CNTNAP2: variants seen among roughly 807,000 people sequenced by gnomAD.
The protein encoded by CNTNAP2 is contactin associated protein 2, also known as contactin-associated protein-like 2.
Under a neutral mutation model 155.2 loss-of-function variants are expected in CNTNAP2, and 98 were observed. That is an observed-to-expected ratio of 0.63 (90% CI 0.54 to 0.75). The LOEUF is 0.75. Ranked by LOEUF, CNTNAP2 falls within the 30% of genes least tolerant of loss-of-function variation. CNTNAP2 has a pLI of 0.00. For synonymous variants in CNTNAP2, 651 were observed against 631.2 expected, an observed-to-expected ratio of 1.03 and a Z score of -0.47; for missense variants, 1,727 against 1,688.1, an observed-to-expected ratio of 1.02 and a Z score of -0.40.
chr7:146,250,343 C>G (rs949615184), intron 1 of CNTNAP2, among the ~76,000 whole-genome samples: 1 of 152,138 alleles, frequency 6.6e-6, no homozygotes, highest in South Asian at 2.1e-4. Flanking sequence ...GTGGTTCAAC[C>G]GAAGTGTTGC....
At chr7:147,856,890 T>C (rs150406516) in intron 13 of CNTNAP2, among the ~76,000 whole-genome samples, 41 of 152,268 alleles carry the variant, frequency 2.7e-4, no homozygotes, top group Middle Eastern at 3.4e-3. Flanking sequence ...GATTTGAGTG[T>C]ACCCCTCACC....
intron 1 of CNTNAP2, among the ~76,000 whole-genome samples, chr7:146,672,320 A>C (rs1439234915): frequency 2.6e-5 from 4 of 152,160 alleles, no homozygotes; most frequent in Non-Finnish European, 5.9e-5. Flanking sequence ...TATTAGTTCC[A>C]GGAGTTGTTT....
rs544271183 is a variant in CNTNAP2 at position 147,600,136 on chromosome 7, C to T, written c.1897+37879C>T. ...AATTGGAACAGACCCTGGTCATGGG[C>T]GTGTTAAATCCTCCTCTTTCATCCA... On this transcript the variant is annotated intron_variant, in intron 12 of 23. Coordinates refer to ENST00000361727, the MANE Select transcript of CNTNAP2 (RefSeq NM_014141.6). 7.2e-5 allele frequency among the ~76,000 whole-genome samples: 11 copies of T among 152,290 alleles called. No homozygotes were observed. The East Asian group carries it at 9.7e-4, about 13-fold the overall frequency.
At chr7:147,033,147 C>CATAT (rs140439948) in intron 3 of CNTNAP2, among the ~76,000 whole-genome samples, 3 of 86,978 alleles carry the variant, frequency 3.4e-5, no homozygotes, top group Admixed American at 1.6e-4. Context: ...GATATTGCTG[C>CATAT]ATATATATAT....
intron 13 of CNTNAP2, among the ~76,000 whole-genome samples, chr7:147,811,413 A>G (rs897537482): frequency 1.3e-5 from 2 of 152,060 alleles, no homozygotes; most frequent in South Asian, 2.1e-4. Flanking sequence ...CAGTATTTTT[A>G]AAGAAGAGCA....
At chr7:148,136,907 C>T (rs1585145801) in intron 16 of CNTNAP2, among the ~76,000 whole-genome samples, 1 of 152,236 alleles carries the variant, frequency 6.6e-6, no homozygotes, top group East Asian at 1.9e-4. Context: ...GCAATCTATA[C>T]AAGAAAGTTA....
At chr7:147,143,780 T>C (rs185456015) in intron 8 of CNTNAP2, among the ~76,000 whole-genome samples, 1 of 152,280 alleles carries the variant, frequency 6.6e-6, no homozygotes, top group East Asian at 1.9e-4. Flanking sequence ...AGATTTTTTT[T>C]AAAGATATTA....
intron 1 of CNTNAP2, among the ~76,000 whole-genome samples, chr7:146,512,126 A>AG (rs570002914): frequency 1.4e-3 from 212 of 152,052 alleles, no homozygotes; most frequent in African/African-American, 4.8e-3. Context: ...TTAAATACAA[A>AG]GCTGTAATGT....
chr7:147,844,976 G>A (rs1169573848), intron 13 of CNTNAP2, among the ~76,000 whole-genome samples: 6 of 144,172 alleles, frequency 4.2e-5, no homozygotes, highest in African/African-American at 1.3e-4. Flanking sequence ...GCTTTTTGAT[G>A]TGCTGCTGGA....
At chr7:147,877,040 G>A (rs117470160) in intron 13 of CNTNAP2, among the ~76,000 whole-genome samples, 1 of 152,222 alleles carries the variant, frequency 6.6e-6, no homozygotes, top group Non-Finnish European at 1.5e-5. Flanking sequence ...GTTTGTCATT[G>A]GGAAAAAAGT....
At chr7:147,802,360 C>T (rs369585669) in intron 13 of CNTNAP2, among the ~76,000 whole-genome samples, 4 of 151,588 alleles carry the variant, frequency 2.6e-5, no homozygotes, top group Non-Finnish European at 4.4e-5. Context: ...CACTCCTCAC[C>T]TCCCAGACGG....
chr7:147,342,517 A>C (rs1296008885), intron 9 of CNTNAP2, among the ~76,000 whole-genome samples: 2 of 152,186 alleles, frequency 1.3e-5, no homozygotes, highest in East Asian at 3.8e-4. Context: ...AAATGTTTCC[A>C]AGCTTCTATT....
At position 147,825,322 on chromosome 7, in the gene CNTNAP2, T is replaced by C. The variant is rs911564777; in HGVS notation, c.2099-78243T>C. On this transcript the variant is annotated intron_variant, in intron 13 of 23. Transcript: ENST00000361727. ...ACCAGGTTGGTTGTTAATGGAGTAT[T>C]GACCCAGCAATTTACTGGGGCAAGC... Among the ~76,000 whole-genome samples the C allele has an allele frequency of 3.9e-5, 6 of 152,218 alleles. No individual in the cohort carries two copies. In the East Asian group the frequency reaches 1.2e-3, roughly 29 times the overall value.
intron 13 of CNTNAP2, among the ~76,000 whole-genome samples, chr7:147,708,493 C>T (rs2117012756): frequency 6.6e-6 from 1 of 152,254 alleles, no homozygotes; most frequent in Middle Eastern, 3.4e-3. Context: ...GCTGTAGCTG[C>T]CTAGGGCTTG....
intron 8 of CNTNAP2, among the ~76,000 whole-genome samples, chr7:147,277,024 T>G (rs1369311715): frequency 3.3e-5 from 5 of 151,950 alleles, no homozygotes; most frequent in African/African-American, 1.2e-4. Context: ...CCACGGTGCC[T>G]CCATGAATAA....
At chr7:147,106,633 A>C (rs1800771922) in intron 4 of CNTNAP2, among the ~76,000 whole-genome samples, 1 of 152,170 alleles carries the variant, frequency 6.6e-6, no homozygotes, top group South Asian at 2.1e-4. Flanking sequence ...TAAAAGCATA[A>C]ATATTTGAGA....
intron 8 of CNTNAP2, among the ~76,000 whole-genome samples, chr7:147,172,607 C>A (rs1403353688): frequency 6.6e-6 from 1 of 151,628 alleles, no homozygotes; most frequent in Non-Finnish European, 1.5e-5. Flanking sequence ...TAAGATATGC[C>A]ATTGTTCAGG....
intron 12 of CNTNAP2, among the ~76,000 whole-genome samples, chr7:147,600,807 A>G (rs1438034682): frequency 3.3e-5 from 5 of 151,918 alleles, no homozygotes; most frequent in African/African-American, 1.2e-4. Flanking sequence ...TAAAATAAAT[A>G]TTCACTACCC....
chr7:147,969,187 C>T (rs916173067), intron 14 of CNTNAP2, among the ~76,000 whole-genome samples: 142 of 146,056 alleles, frequency 9.7e-4, no homozygotes, highest in Non-Finnish European at 9.2e-4. Flanking sequence ...GTAGCTGGGA[C>T]GACAGGCATG....
Sources: gnomAD v4.1 joint callset for allele counts (sites outside exome capture counted in the v4.1 genomes callset) on GRCh38, gnomAD v4.1.1 for gene constraint, MANE v1.5 for transcripts, NCBI Gene and HGNC (gene_info 2026-07-23, HGNC 2026-07-21) for gene names.